Variants in BLTP3B observed in about 807,000 individuals in gnomAD.
BLTP3B encodes the protein bridge-like lipid transfer protein family member 3B, also known as UHRF1 (ICBP90) binding protein 1-like.
the BLTP3B span, among the ~76,000 whole-genome samples, chr12:100,105,512 C>T: frequency 4.6e-5 from 7 of 152,070 alleles, no homozygotes; most frequent in African/African-American, 1.4e-4. Context: ...AATTGGATCC[C>T]TATCTCTTAC....
At chr12:100,141,943 A>G in the BLTP3B span, among the ~76,000 whole-genome samples, 1 of 152,156 alleles carries the variant, frequency 6.6e-6, no homozygotes, top group African/African-American at 2.4e-5. Flanking sequence ...AAAAATGTTC[A>G]GTAATAATGA....
At chr12:100,052,314 A>T in the BLTP3B span, among the ~76,000 whole-genome samples, 1 of 152,184 alleles carries the variant, frequency 6.6e-6, no homozygotes, top group African/African-American at 2.4e-5. Context: ...TAGTGCTAGG[A>T]TTACAGGCGT....
chr12:100,059,167 C>G, the BLTP3B span: 1 of 1,614,136 alleles, frequency 6.2e-7, no homozygotes, highest in Non-Finnish European at 8.5e-7. Flanking sequence ...CCTTCATAAT[C>G]TATCCAAAAT....
chr12:100,119,472 G>T, the BLTP3B span, among the ~76,000 whole-genome samples: 1 of 152,036 alleles, frequency 6.6e-6, no homozygotes, highest in South Asian at 2.1e-4. Context: ...AAATGTAGAA[G>T]ACCTAGAATA....
the BLTP3B span, among the ~76,000 whole-genome samples, chr12:100,089,249 T>A: frequency 2.6e-5 from 4 of 152,298 alleles, no homozygotes; most frequent in African/African-American, 7.2e-5. Flanking sequence ...ATTTTCTGAA[T>A]TACCTAAGAA....
At chr12:100,110,201 A>G in the BLTP3B span, among the ~76,000 whole-genome samples, 1 of 152,204 alleles carries the variant, frequency 6.6e-6, no homozygotes, top group Non-Finnish European at 1.5e-5. Flanking sequence ...CACATGCCCT[A>G]CTTGTCAACA....
chr12:100,102,705 T>G, the BLTP3B span: 1 of 1,086,672 alleles, frequency 9.2e-7, no homozygotes, highest in Non-Finnish European at 1.3e-6. Context: ...TAAGGCTTTT[T>G]TTTTTTTTTT....
chr12:100,112,988 T>A, the BLTP3B span, among the ~76,000 whole-genome samples: 1 of 151,452 alleles, frequency 6.6e-6, no homozygotes, highest in Non-Finnish European at 1.5e-5. Flanking sequence ...CTGGGTAACA[T>A]GACAAAACCC....
At chr12:100,065,521 G>C in the BLTP3B span, among the ~76,000 whole-genome samples, 21 of 152,090 alleles carry the variant, frequency 1.4e-4, no homozygotes, top group African/African-American at 5.1e-4. Context: ...CCTGGGGGGA[G>C]GTCTATAAAT....
At chr12:100,084,564 A>G in the BLTP3B span, 1 of 1,614,052 alleles carries the variant, frequency 6.2e-7, no homozygotes, top group South Asian at 1.1e-5. Context: ...TAAGCATTTC[A>G]ACGTTGCACT....
At chr12:100,089,063 C>T in the BLTP3B span, 1 of 1,608,396 alleles carries the variant, frequency 6.2e-7, no homozygotes. Context: ...GCGTTGTCTT[C>T]ACTTGCTGGG....
chr12:100,090,030 G>A, the BLTP3B span, among the ~76,000 whole-genome samples: 9 of 152,116 alleles, frequency 5.9e-5, no homozygotes, highest in East Asian at 7.7e-4. Context: ...GATCCTCCTT[G>A]CCTTTCACCA....
the BLTP3B span, chr12:100,098,304 TA>T: frequency 6.6e-7 from 1 of 1,518,782 alleles, no homozygotes; most frequent in South Asian, 1.3e-5. Context: ...CGTCCTCTTT[TA>T]CTTGTCACTA....
the BLTP3B span, among the ~76,000 whole-genome samples, chr12:100,083,953 C>G: frequency 1.3e-5 from 2 of 152,012 alleles, no homozygotes; most frequent in African/African-American, 2.4e-5. Context: ...CTTTGGGAGG[C>G]TGAGGTGGGC....
chr12:100,098,919 C>CAGATAGATAGATAGAT, the BLTP3B span, among the ~76,000 whole-genome samples: 1,391 of 139,820 alleles, frequency 9.9e-3, 26 homozygotes, highest in African/African-American at 0.032. Flanking sequence ...AAAATATAGA[C>CAGATAGATAGATAGAT]AGATAGATAG....
the BLTP3B span, among the ~76,000 whole-genome samples, chr12:100,091,638 G>A: frequency 6.6e-6 from 1 of 151,690 alleles, no homozygotes; most frequent in Non-Finnish European, 1.5e-5. Context: ...GAGTAGCTGG[G>A]AGTATAGGCA....
the BLTP3B span, among the ~76,000 whole-genome samples, chr12:100,130,220 A>G: frequency 7.9e-5 from 12 of 152,186 alleles, no homozygotes; most frequent in Non-Finnish European, 1.3e-4. Flanking sequence ...TTGGCCTCCC[A>G]AAGTGCTAGG....
chr12:100,082,896 T>A, the BLTP3B span: 3 of 685,514 alleles, frequency 4.4e-6, no homozygotes, highest in Non-Finnish European at 7.3e-6. Flanking sequence ...CCATCTAATA[T>A]GGCCATTTCA....
At chr12:100,108,580 T>C in the BLTP3B span, 4 of 1,570,380 alleles carry the variant, frequency 2.5e-6, no homozygotes, top group Non-Finnish European at 3.5e-6. Flanking sequence ...CATTTATTTA[T>C]GTGTCAGTTA....
Sources: allele counts gnomAD v4.1 joint callset (sites outside exome capture counted in the v4.1 genomes callset), GRCh38; gene constraint gnomAD v4.1.1; transcripts MANE v1.5; gene names NCBI Gene and HGNC (gene_info 2026-07-23, HGNC 2026-07-21).